Variants in RAD17 observed in about 807,000 individuals in gnomAD.
The protein encoded by RAD17 is cell cycle checkpoint protein RAD17.
RAD17 carries 31 observed loss-of-function variants against 81.5 expected under a neutral mutation model. The ratio of observed to expected loss-of-function variants is 0.38; its 90% CI spans 0.29 to 0.51. The LOEUF is 0.51. RAD17 is among the 20% of genes least tolerant of loss of function. The pLI, the probability that RAD17 is intolerant of heterozygous loss-of-function variation, is 0.88. For missense variants in RAD17, 681 were observed against 781.2 expected (o/e 0.87, Z 1.53); for synonymous variants, 261 against 266.2 (o/e 0.98, Z 0.19).
At chr5:69,409,727 T>C (rs1398284449) in intron 17 of RAD17, among the ~76,000 whole-genome samples, 1 of 152,218 alleles carries the variant, frequency 6.6e-6, no homozygotes, top group East Asian at 1.9e-4. Context: ...CATTTTGAAT[T>C]CTACAGTGCA....
At chr5:69,384,739 T>C in intron 7 of RAD17, 58 bp from the exon 8 acceptor site, 1 of 1,477,172 alleles carries the variant, frequency 6.8e-7, no homozygotes, top group East Asian at 2.3e-5. Context: ...CATACAGATG[T>C]ATAATATTAA....
intron 18 of RAD17, among the ~76,000 whole-genome samples, chr5:69,412,791 C>A (rs1345876831): frequency 6.6e-6 from 1 of 151,732 alleles, no homozygotes; most frequent in African/African-American, 2.4e-5. Flanking sequence ...GAGTTCGAGA[C>A]CAGCCTGGCC....
chr5:69,378,235 A>G (rs1193149050), intron 6 of RAD17, among the ~76,000 whole-genome samples: 1 of 152,244 alleles, frequency 6.6e-6, no homozygotes, highest in Non-Finnish European at 1.5e-5. Context: ...TATTTTAAAT[A>G]CGATATACCA....
intron 11 of RAD17, among the ~76,000 whole-genome samples, chr5:69,387,091 A>G (rs1220034704): frequency 6.6e-6 from 1 of 151,566 alleles, no homozygotes. Context: ...CGCCTGGCTA[A>G]TTTTTTAATT....
At chr5:69,401,881 G>A (rs1190474734) in intron 17 of RAD17, among the ~76,000 whole-genome samples, 6 of 151,148 alleles carry the variant, frequency 4.0e-5, no homozygotes, top group African/African-American at 7.3e-5. Context: ...GTGGGTGCCT[G>A]TAGTCCCAGC....
At chr5:69,392,036 A>C in intron 13 of RAD17, 23 bp downstream of exon 13, 1 of 1,465,616 alleles carries the variant, frequency 6.8e-7, no homozygotes, top group Non-Finnish European at 9.1e-7. Flanking sequence ...TACACTTTTA[A>C]AATCTGTTGG....
At chr5:69,408,054 A>G (rs1204938830) in intron 17 of RAD17, among the ~76,000 whole-genome samples, 1 of 151,972 alleles carries the variant, frequency 6.6e-6, no homozygotes, top group Admixed American at 6.6e-5. Flanking sequence ...TTCCTTTTCT[A>G]CTTTGAAAAT....
chr5:69,374,117 T>G (rs1438035505), intron 5 of RAD17, 30 bp downstream of exon 5: 1 of 1,569,116 alleles, frequency 6.4e-7, no homozygotes, highest in Non-Finnish European at 8.6e-7. Flanking sequence ...CATATCTACA[T>G]AATTTAATTT....
rs201629080 is a variant in RAD17 at position 69,386,439 on chromosome 5, C to T, written c.868C>T (p.Arg290Ter). The T allele has an allele frequency of 5.0e-6, 8 of 1,598,144 alleles. No individual in the cohort carries two copies. The highest frequency in any genetic ancestry group is 6.0e-6 in the Non-Finnish European group (7 of 1,174,036). Reference sequence around the variant, plus strand: ...AACAATTATGATGAAATTTCTTAATCGAATAGTGACTATAGAAGCTAACAA... The same window carrying T: ...AACAATTATGATGAAATTTCTTAATTGAATAGTGACTATAGAAGCTAACAA... ...APTIMMKFLN[R>*]IVTIEANKNG... The change falls in exon 11 of 19, where the codon CGA (arginine) becomes TGA (stop). Residue 290 changes from arginine to a stop codon, truncating the protein, a stop_gained. Coordinates refer to ENST00000354868, the MANE Select transcript of RAD17 (RefSeq NM_133338.3). LOFTEE classifies it high-confidence loss of function.
At chr5:69,384,746 T>C (rs771537690) in intron 7 of RAD17, 51 bp from the exon 8 acceptor site, 37 of 1,514,524 alleles carry the variant, frequency 2.4e-5, no homozygotes, top group South Asian at 4.7e-5. Flanking sequence ...ATGTATAATA[T>C]TAATGTATAT....
intron 17 of RAD17, among the ~76,000 whole-genome samples, chr5:69,408,595 C>T (rs1192414803): frequency 4.0e-5 from 6 of 150,554 alleles, no homozygotes; most frequent in Non-Finnish European, 8.8e-5. Flanking sequence ...ACTGCAACCT[C>T]CGCCTCCTGG....
At chr5:69,406,820 C>A (rs903982275) in intron 17 of RAD17, among the ~76,000 whole-genome samples, 3 of 151,610 alleles carry the variant, frequency 2.0e-5, no homozygotes, top group Non-Finnish European at 4.4e-5. Context: ...ATATTGTATT[C>A]TTGAAAAATG....
At chr5:69,397,459 T>C (rs550906099) in intron 16 of RAD17, among the ~76,000 whole-genome samples, 14 of 152,214 alleles carry the variant, frequency 9.2e-5, no homozygotes, top group African/African-American at 3.4e-4. Context: ...TATATTTCAG[T>C]TTCAATTAAA....
At chr5:69,408,188 A>G (rs536179634) in intron 17 of RAD17, among the ~76,000 whole-genome samples, 2 of 150,972 alleles carry the variant, frequency 1.3e-5, no homozygotes, top group African/African-American at 4.8e-5. Flanking sequence ...CTTTACAGTC[A>G]TAATTTTTTG....
chr5:69,386,274 A>G lies in RAD17; in HGVS notation c.793A>G (p.Ile265Val). 2 of 1,606,266 alleles carry G rather than the reference A, an allele frequency of 1.2e-6. No individual in the cohort carries two copies. Among genetic ancestry groups the G allele is most frequent in the Non-Finnish European group, 8.5e-7 (1 of 1,175,466 alleles). ...TCAAAGGTTATTGTTTCCCAAAGAA[A>G]TTCAGGAAGAGTGTTCTATCTCAAA... ...NNQRLLFPKE[I>V]QEECSISNIS... The change falls in exon 10 of 19, where the codon ATT becomes GTT. Residue 265 changes from isoleucine to valine, a missense_variant. Physicochemically the swap from Ile to Val is conservative, Grantham distance 29. Transcript: ENST00000354868.
intron 11 of RAD17, among the ~76,000 whole-genome samples, chr5:69,388,358 G>A (rs1183843251): frequency 6.6e-6 from 1 of 152,088 alleles, no homozygotes; most frequent in Non-Finnish European, 1.5e-5. Context: ...ATTATTTTGT[G>A]TATATTTAAT....
Position 69,377,680 on chromosome 5 carries a change from T to TATATATATGTATACATATATATATGC in RAD17, c.351+2977_351+2978insGTATACATATATATATGCATATATAT, listed in dbSNP as rs1561240619. Among the ~76,000 whole-genome samples the TATATATATGTATACATATATATATGC allele has an allele frequency of 1.4e-3, 7 of 4,890 alleles. 3 individuals carry two copies. The highest frequency in any genetic ancestry group is 0.013 in the South Asian group (2 of 158). 3.2% of individuals were successfully genotyped at this position (4,890 alleles called of 152,430 possible). A position where few individuals can be genotyped will look rare whatever the true frequency, so the allele number is the denominator to read the frequency against. ...ATATATGTATACATATATATATGCA[T>TATATATATGTATACATATATATATGC]ATATATATATGTATACATATATATA... On this transcript the variant is annotated intron_variant, in intron 6 of 18. Transcript: ENST00000354868.
At chr5:69,402,836 C>G (rs944883989) in intron 17 of RAD17, among the ~76,000 whole-genome samples, 5 of 152,034 alleles carry the variant, frequency 3.3e-5, no homozygotes, top group Non-Finnish European at 5.9e-5. Context: ...GAGTAAATTG[C>G]AGGCATGATA....
chr5:69,388,183 A>G (rs1458222315), intron 11 of RAD17, among the ~76,000 whole-genome samples: 4 of 132,192 alleles, frequency 3.0e-5, no homozygotes, highest in Non-Finnish European at 7.2e-5. Context: ...CCTTGTGTCA[A>G]AACAAAAATT....
Sources: gnomAD v4.1 joint callset for allele counts (sites outside exome capture counted in the v4.1 genomes callset) on GRCh38, gnomAD v4.1.1 for gene constraint, MANE v1.5 for transcripts, NCBI Gene and HGNC (gene_info 2026-07-23, HGNC 2026-07-21) for gene names.